Variants in DNAJC15 observed in about 807,000 individuals in gnomAD.
The protein encoded by DNAJC15 is DnaJ heat shock protein family (Hsp40) member C15.
In DNAJC15, 27 loss-of-function variants were observed where a neutral mutation model predicts 22.4. The observed-to-expected ratio is 1.20, with a 90% CI of 0.89 to 1.66. The LOEUF (loss-of-function observed/expected upper bound fraction) is 1.66, where lower values mean the gene tolerates loss of function less well. DNAJC15 is among the 40% of genes most tolerant of loss of function. The pLI, the probability that DNAJC15 is intolerant of heterozygous loss-of-function variation, is 0.00. For missense variants in DNAJC15, 208 were observed against 187.1 expected (o/e 1.11, Z -0.65); for synonymous variants, 79 against 63.2 (o/e 1.25, Z -1.19).
At chr13:43,090,841 G>T (rs913387404) in intron 5 of DNAJC15, among the ~76,000 whole-genome samples, 1 of 151,414 alleles carries the variant, frequency 6.6e-6, no homozygotes, top group Non-Finnish European at 1.5e-5. Flanking sequence ...CTGAGTAGCT[G>T]GAACTACAGG....
chr13:43,103,289 A>G (rs1211476718), intron 5 of DNAJC15, among the ~76,000 whole-genome samples: 2 of 152,148 alleles, frequency 1.3e-5, no homozygotes, highest in Admixed American at 1.3e-4. Flanking sequence ...TTTTCTCTCA[A>G]TCTCTGGTGA....
chr13:43,049,621 A>C (rs540921464), intron 1 of DNAJC15, among the ~76,000 whole-genome samples: 36 of 152,332 alleles, frequency 2.4e-4, no homozygotes, highest in African/African-American at 7.2e-4. Context: ...ATTAAAGCCA[A>C]AGAAAGGTAT....
intron 1 of DNAJC15, among the ~76,000 whole-genome samples, chr13:43,043,397 C>T (rs2040462601): frequency 6.6e-6 from 1 of 152,222 alleles, no homozygotes; most frequent in South Asian, 2.1e-4. Context: ...GCATGAGCTG[C>T]CATGCCTGAC....
At chr13:43,058,430 G>A (rs1415115218) in intron 1 of DNAJC15, among the ~76,000 whole-genome samples, 1 of 152,166 alleles carries the variant, frequency 6.6e-6, no homozygotes, top group Non-Finnish European at 1.5e-5. Flanking sequence ...CCAGGTTGGG[G>A]AAGGGTGAGG....
At chr13:43,044,393 C>A (rs1478839156) in intron 1 of DNAJC15, among the ~76,000 whole-genome samples, 1 of 152,148 alleles carries the variant, frequency 6.6e-6, no homozygotes. Flanking sequence ...TTCACTTAGG[C>A]TTTATCATAC....
chr13:43,028,072 C>T lies in DNAJC15; in HGVS notation c.108+4338C>T, dbSNP rs539258115. 2.6e-5 allele frequency among the ~76,000 whole-genome samples: 4 copies of T among 152,260 alleles called. No individual in the cohort carries two copies. In the South Asian group the frequency reaches 8.3e-4, roughly 32 times the overall value. On this transcript the variant is annotated intron_variant, in intron 1 of 5. Coordinates refer to ENST00000379221, the MANE Select transcript of DNAJC15 (RefSeq NM_013238.3). The stretch of plus-strand genomic sequence containing the variant: ...GTATTTCTAGCATTTATAATGGTGC[C>T]TGATGTGTGGTAAACATTCCAAAAA...
intron 1 of DNAJC15, among the ~76,000 whole-genome samples, chr13:43,055,877 A>G (rs1024697155): frequency 6.6e-6 from 1 of 152,066 alleles, no homozygotes; most frequent in Non-Finnish European, 1.5e-5. Context: ...TTGATTTAAT[A>G]TTATGAACTT....
intron 1 of DNAJC15, among the ~76,000 whole-genome samples, chr13:43,037,121 G>A (rs1274485735): frequency 6.6e-6 from 1 of 152,240 alleles, no homozygotes; most frequent in Non-Finnish European, 1.5e-5. Context: ...CTCCCGCTCT[G>A]CAGCCAACAT....
chr13:43,050,085 A>AT (rs1374394160), intron 1 of DNAJC15, among the ~76,000 whole-genome samples: 5 of 151,834 alleles, frequency 3.3e-5, no homozygotes, highest in African/African-American at 1.2e-4. Flanking sequence ...CACCTGGCTA[A>AT]TTTTTTGTAT....
At chr13:43,082,341 T>A (rs1457489038) in intron 4 of DNAJC15, among the ~76,000 whole-genome samples, 1 of 152,188 alleles carries the variant, frequency 6.6e-6, no homozygotes, top group Admixed American at 6.5e-5. Context: ...AGGTATATCA[T>A]CATAGCTACA....
At chr13:43,036,593 C>T (rs565911763) in intron 1 of DNAJC15, among the ~76,000 whole-genome samples, 2 of 152,216 alleles carry the variant, frequency 1.3e-5, no homozygotes, top group African/African-American at 2.4e-5. Flanking sequence ...CAGGCCAGTC[C>T]TAGCTTGAAG....
At chr13:43,082,609 GTTTAC>G (rs2040667090) in intron 4 of DNAJC15, among the ~76,000 whole-genome samples, 1 of 152,060 alleles carries the variant, frequency 6.6e-6, no homozygotes, top group African/African-American at 2.4e-5. Context: ...CCTTCCTTGT[GTTTAC>G]TTTAGTTCAG....
At chr13:43,029,333 G>A (rs960624484) in intron 1 of DNAJC15, among the ~76,000 whole-genome samples, 2 of 152,168 alleles carry the variant, frequency 1.3e-5, no homozygotes, top group Non-Finnish European at 2.9e-5. Flanking sequence ...CTTGTGAGGA[G>A]GAAGAATACT....
chr13:43,058,260 T>TGG (rs2040540987), intron 1 of DNAJC15, among the ~76,000 whole-genome samples: 1 of 152,164 alleles, frequency 6.6e-6, no homozygotes, highest in Admixed American at 6.5e-5. Flanking sequence ...TGCAGCAGTA[T>TGG]GGGGGATACA....
intron 4 of DNAJC15, among the ~76,000 whole-genome samples, chr13:43,083,437 G>A (rs2040673171): frequency 6.6e-6 from 1 of 152,156 alleles, no homozygotes; most frequent in Non-Finnish European, 1.5e-5. Flanking sequence ...AAAGTGCTGG[G>A]ATTACAGGCG....
At position 43,023,726 on chromosome 13, in the gene DNAJC15, C is replaced by G. The variant is rs747997554; in HGVS notation, c.100C>G (p.Gln34Glu). 1 of 1,609,462 alleles carries G rather than the reference C, an allele frequency of 6.2e-7. No individual in the cohort carries two copies. Among genetic ancestry groups the G allele is most frequent in the Non-Finnish European group, 8.5e-7 (1 of 1,178,246 alleles). The change falls in exon 1 of 6, where the codon CAG becomes GAG. Residue 34 changes from glutamine (Q) to glutamate (E), a missense_variant. Gln to Glu is a conservative substitution (Grantham distance 29, BLOSUM62 2). Coordinates refer to ENST00000379221, the MANE Select transcript of DNAJC15 (RefSeq NM_013238.3). ...ACGGCCAGACGCCGACGTCGACCAG[C>G]AGAGACTGGTGAGTCCTGCCAGCGG... ...AKRPDADVDQ[Q>E]RLVRSLIAVG...
At chr13:43,046,542 A>G (rs1236030277) in intron 1 of DNAJC15, among the ~76,000 whole-genome samples, 2 of 152,132 alleles carry the variant, frequency 1.3e-5, no homozygotes, top group Non-Finnish European at 2.9e-5. Context: ...GGCTCACTAA[A>G]ATACAAATTA....
chr13:43,083,831 A>C (rs1010808953), intron 4 of DNAJC15, among the ~76,000 whole-genome samples: 1 of 152,186 alleles, frequency 6.6e-6, no homozygotes, highest in Non-Finnish European at 1.5e-5. Flanking sequence ...ACAAGCCAAA[A>C]AGTAAGTTTA....
chr13:43,071,858 C>A (rs895547212), intron 3 of DNAJC15, among the ~76,000 whole-genome samples: 2 of 151,786 alleles, frequency 1.3e-5, no homozygotes. Flanking sequence ...ACTTTTTTTT[C>A]ATCTTGCTGA....
Sources: allele counts gnomAD v4.1 joint callset (sites outside exome capture counted in the v4.1 genomes callset), GRCh38; gene constraint gnomAD v4.1.1; transcripts MANE v1.5; gene names NCBI Gene and HGNC (gene_info 2026-07-23, HGNC 2026-07-21).